The following TMEM132C variants were observed in gnomAD, a reference collection of about 807,000 sequenced individuals.
TMEM132C encodes the protein protein phosphatase 1, regulatory subunit 152.
TMEM132C carries 29 observed loss-of-function variants against 61.4 expected under a neutral mutation model. That is an observed-to-expected ratio of 0.47 (90% CI 0.35 to 0.64). TMEM132C has a LOEUF of 0.64. Among genes scored for constraint, TMEM132C ranks in the 30% least tolerant of loss-of-function variants. TMEM132C has a pLI of 0.00. For missense variants in TMEM132C, 1,408 were observed against 1,476.9 expected (o/e 0.95, Z 0.76); for synonymous variants, 656 against 633.1 (o/e 1.04, Z -0.54).
At chr12:128,355,986 CTG>C (rs1240050126) in intron 1 of TMEM132C, among the ~76,000 whole-genome samples, 3 of 152,122 alleles carry the variant, frequency 2.0e-5, no homozygotes, top group African/African-American at 7.2e-5. Flanking sequence ...CAGGTCATCT[CTG>C]TGTGGTTAGG....
rs1210205155 is a variant in TMEM132C, at chr12:128,326,753, A to T, written c.85+59266A>T. Among the ~76,000 whole-genome samples, 1 of 150,544 alleles carries T rather than the reference A, an allele frequency of 6.6e-6. No homozygotes were observed. The highest frequency in any genetic ancestry group is 2.5e-5 in the African/African-American group (1 of 39,818). ...AGGCAGAGAAGTTTCGAGATTCATC[A>T]GATGTCTTTATGGCTCCCACATCTC... is the stretch of plus-strand genomic sequence containing the variant. On this transcript the variant is annotated intron_variant, in intron 1 of 8. Coordinates refer to ENST00000435159, the MANE Select transcript of TMEM132C (RefSeq NM_001136103.3). The surrounding 1 kb of genome is among the most constrained non-coding windows in gnomAD (Gnocchi z 5.6).
intron 3 of TMEM132C, among the ~76,000 whole-genome samples, chr12:128,577,119 GCT>G (rs1875140242): frequency 6.6e-6 from 1 of 152,000 alleles, no homozygotes; most frequent in Non-Finnish European, 1.5e-5. Context: ...CCACTAATCT[GCT>G]CTCTGTCTCT....
At chr12:128,410,117 G>T (rs941648305) in intron 1 of TMEM132C, among the ~76,000 whole-genome samples, 3 of 151,820 alleles carry the variant, frequency 2.0e-5, no homozygotes, top group African/African-American at 7.3e-5. Context: ...AAGAAATGAG[G>T]AATTAAAAAA....
At chr12:128,674,131 G>T (rs1271437269) in intron 5 of TMEM132C, among the ~76,000 whole-genome samples, 5 of 152,124 alleles carry the variant, frequency 3.3e-5, no homozygotes, top group Non-Finnish European at 1.5e-5. Flanking sequence ...CCCATCCCTG[G>T]CCCCTGGCAG....
Position 128,278,406 on chromosome 12 carries a change from G to T in TMEM132C, c.85+10919G>T, listed in dbSNP as rs532618514. On this transcript the variant is annotated intron_variant, in intron 1 of 8. Coordinates refer to ENST00000435159, the MANE Select transcript of TMEM132C (RefSeq NM_001136103.3). This position sits in a 1 kb window ranked among gnomAD's most constrained non-coding sequence, Gnocchi z 4.2. Reference sequence around the variant, plus strand: ...TTCAAACTCAGTGTTTTCATCTGTCGTGTTCATATCCTATTAACTAAATGA... The same window carrying T: ...TTCAAACTCAGTGTTTTCATCTGTCTTGTTCATATCCTATTAACTAAATGA... Among the ~76,000 whole-genome samples, 5 of 152,106 alleles carry T rather than the reference G, an allele frequency of 3.3e-5. No homozygotes were observed. The highest frequency in any genetic ancestry group is 7.4e-5 in the Non-Finnish European group (5 of 68,022).
In TMEM132C at chr12:128,537,168, A is replaced by G. The variant is rs1221199022; in HGVS notation, c.975-6789A>G. On this transcript the variant is annotated intron_variant, in intron 2 of 8. Coordinates refer to ENST00000435159, the MANE Select transcript of TMEM132C (RefSeq NM_001136103.3). ...GTTTTCAGCCCTCTGACATCAAAAG[A>G]TGAAGCAGAGGACATGAAACCCCTC... is the stretch of plus-strand genomic sequence containing the variant. Among the ~76,000 whole-genome samples the G allele has an allele frequency of 2.6e-5, 4 of 152,328 alleles. No individual in the cohort carries two copies. The South Asian group carries it at 8.3e-4, about 32-fold the overall frequency.
At chr12:128,402,986 A>G (rs1388494822) in intron 1 of TMEM132C, among the ~76,000 whole-genome samples, 1 of 152,214 alleles carries the variant, frequency 6.6e-6, no homozygotes, top group Non-Finnish European at 1.5e-5. Flanking sequence ...CTATCCCCCC[A>G]GGGGCTCAGA....
At chr12:128,298,677 C>T (rs1193369) in intron 1 of TMEM132C, among the ~76,000 whole-genome samples, 61,263 of 152,076 alleles carry the variant, frequency 0.4, 12,927 homozygotes, top group Middle Eastern at 0.54. Context: ...TGTATCCTCA[C>T]AGGAAGACAT....
chr12:128,293,420 C>A, intron 1 of TMEM132C, among the ~76,000 whole-genome samples: 1 of 152,152 alleles, frequency 6.6e-6, no homozygotes, highest in East Asian at 1.9e-4. Context: ...GTTGTACACA[C>A]CACCCATCGG....
intron 3 of TMEM132C, among the ~76,000 whole-genome samples, chr12:128,564,112 G>A (rs1040551691): frequency 2.6e-5 from 4 of 152,158 alleles, no homozygotes; most frequent in Non-Finnish European, 4.4e-5. Flanking sequence ...GTCTCCTTGC[G>A]CCTCACATGG....
chr12:128,381,021 T>C (rs760817595), intron 1 of TMEM132C, among the ~76,000 whole-genome samples: 1 of 152,144 alleles, frequency 6.6e-6, no homozygotes, highest in African/African-American at 2.4e-5. Flanking sequence ...AGTGCTTTAT[T>C]CCTACACTTA....
chr12:128,396,998 C>A (rs1248971046), intron 1 of TMEM132C, among the ~76,000 whole-genome samples: 1 of 152,146 alleles, frequency 6.6e-6, no homozygotes, highest in East Asian at 1.9e-4. Flanking sequence ...CTAGGTTAGC[C>A]ACTGACCAGG....
intron 2 of TMEM132C, among the ~76,000 whole-genome samples, chr12:128,522,748 C>T (rs997306944): frequency 6.6e-6 from 1 of 152,136 alleles, no homozygotes; most frequent in African/African-American, 2.4e-5. Flanking sequence ...TGGGCCAAGT[C>T]TTTGTTTGAG....
At chr12:128,443,581 A>C (rs1869871238) in intron 2 of TMEM132C, among the ~76,000 whole-genome samples, 1 of 152,172 alleles carries the variant, frequency 6.6e-6, no homozygotes, top group South Asian at 2.1e-4. Context: ...GCCCTAATCC[A>C]GTGAAATCAG....
chr12:128,502,264 C>T (rs1872207340), intron 2 of TMEM132C, among the ~76,000 whole-genome samples: 2 of 152,110 alleles, frequency 1.3e-5, no homozygotes, highest in Admixed American at 1.3e-4. Context: ...CATGAACAAA[C>T]AGTGGTCTGT....
At chr12:128,518,297 G>T (rs192451583) in intron 2 of TMEM132C, among the ~76,000 whole-genome samples, 2 of 152,328 alleles carry the variant, frequency 1.3e-5, no homozygotes, top group East Asian at 3.9e-4. Context: ...TTTTTGTCTG[G>T]AGTTGTTTTG....
chr12:128,698,829 G>T (rs1345727221), intron 8 of TMEM132C, among the ~76,000 whole-genome samples: 1 of 152,210 alleles, frequency 6.6e-6, no homozygotes, highest in Non-Finnish European at 1.5e-5. Flanking sequence ...ACTGAGCAAT[G>T]CTGGAGGAGG....
At chr12:128,435,096 G>A (rs1869534989) in intron 2 of TMEM132C, among the ~76,000 whole-genome samples, 1 of 152,140 alleles carries the variant, frequency 6.6e-6, no homozygotes, top group Admixed American at 6.5e-5. Flanking sequence ...AGAAGATGAA[G>A]GCAGAGATTG....
chr12:128,624,843 G>A (rs998357262), intron 4 of TMEM132C, among the ~76,000 whole-genome samples: 4 of 152,220 alleles, frequency 2.6e-5, no homozygotes, highest in Middle Eastern at 3.4e-3. Context: ...CTACTGAGTC[G>A]GGGAGGTAGC....
Sources: gnomAD v4.1 joint callset for allele counts (sites outside exome capture counted in the v4.1 genomes callset) on GRCh38, gnomAD v4.1.1 for gene constraint, Gnocchi (gnomAD v3.1) non-coding constraint, MANE v1.5 for transcripts, NCBI Gene and HGNC (gene_info 2026-07-23, HGNC 2026-07-21) for gene names.